The following NHS variants were observed in gnomAD, a reference collection of about 807,000 sequenced individuals.
NHS encodes actin remodeling regulator NHS.
A neutral mutation model predicts 72.5 loss-of-function variants in NHS; 5 were observed. The observed-to-expected ratio is 0.07, with a 90% confidence interval of 0.04 to 0.14. NHS has a LOEUF of 0.14. NHS is among the 10% of genes least tolerant of loss of function. The probability of loss-of-function intolerance (pLI) is 1.00; values close to 1 mark genes in which losing one functional copy is unlikely to be tolerated. For synonymous variants in NHS, 464 were observed against 547.7 expected, an observed-to-expected ratio of 0.85 and a Z score of 2.13; for missense variants, 1,072 against 1,355.7, an observed-to-expected ratio of 0.79 and a Z score of 3.29.
chrX:17,519,868 G>A lies in NHS; in HGVS notation c.565+143546G>A, dbSNP rs750664831. 3.6e-5 allele frequency among the ~76,000 whole-genome samples: 4 copies of A among 110,392 alleles called. No individual in the cohort carries two copies. The East Asian group carries it at 1.1e-3, about 31-fold the overall frequency. On this transcript the variant is annotated intron_variant, in intron 1 of 8. Transcript: ENST00000676302. The stretch of plus-strand genomic sequence containing the variant: ...CATTTCATTTAAAATAAGGATGTAG[G>A]GCTCTTCAGTCTTTTAATTCTGATT...
At chrX:17,471,759 A>G (rs895510100) in intron 1 of NHS, among the ~76,000 whole-genome samples, 1 of 112,244 alleles carries the variant, frequency 8.9e-6, no homozygotes, top group Non-Finnish European at 1.9e-5. Flanking sequence ...ATCTGTCTCT[A>G]TAATTAGGGA....
At chrX:17,465,259 G>A (rs780465078) in intron 1 of NHS, among the ~76,000 whole-genome samples, 2 of 111,610 alleles carry the variant, frequency 1.8e-5, no homozygotes, top group South Asian at 7.6e-4. Flanking sequence ...ATACTGTGGG[G>A]CAAATAAATG....
At chrX:17,376,536 C>T (rs1414634111) in intron 1 of NHS, among the ~76,000 whole-genome samples, 2 of 112,414 alleles carry the variant, frequency 1.8e-5, no homozygotes, top group African/African-American at 6.5e-5. Context: ...GTGATGCAGA[C>T]GTGGACGGTG....
intron 1 of NHS, among the ~76,000 whole-genome samples, chrX:17,653,115 A>G (rs2065938062): frequency 8.9e-6 from 1 of 111,880 alleles, no homozygotes; most frequent in African/African-American, 3.3e-5. Context: ...GACCTAAAAA[A>G]ATGCAATATG....
At position 17,728,059 on chromosome X, in the gene NHS, A is replaced by T; in HGVS notation, c.3953A>T (p.Glu1318Val). Residue 1318 changes from glutamate (E) to valine (V), a missense_variant, in exon 7 of 9, where the codon GAA becomes GTA. Physicochemically the swap from Glu to Val is moderately radical, Grantham distance 121. Coordinates refer to ENST00000676302, the MANE Select transcript of NHS (RefSeq NM_001291867.2). Reference protein sequence around the residue: ...SAGLEEVAQPESVDVITSQSD... With the variant: ...SAGLEEVAQPVSVDVITSQSD... ...GGTCTGGAGGAAGTTGCACAACCTG[A>T]ATCTGTGGATGTAATCACATCTCAG... is the stretch of plus-strand genomic sequence containing the variant. 8.3e-7 allele frequency: 1 copy of T among 1,211,830 alleles called. No individual in the cohort carries two copies. The highest frequency in any genetic ancestry group is 1.8e-5 in the South Asian group (1 of 56,993).
chrX:17,389,508 G>T (rs1478441046), intron 1 of NHS, among the ~76,000 whole-genome samples: 5 of 111,902 alleles, frequency 4.5e-5, no homozygotes, highest in Admixed American at 1.9e-4. Flanking sequence ...ATTTTAGGGA[G>T]AATCAGGTTT....
chrX:17,398,195 G>T (rs2146850325), intron 1 of NHS, among the ~76,000 whole-genome samples: 1 of 111,772 alleles, frequency 8.9e-6, no homozygotes, highest in East Asian at 2.8e-4. Flanking sequence ...GAGGAAAGCT[G>T]AACAGAAGTT....
intron 1 of NHS, among the ~76,000 whole-genome samples, chrX:17,576,246 A>G (rs2065510283): frequency 8.9e-6 from 1 of 112,058 alleles, no homozygotes; most frequent in African/African-American, 3.2e-5. Flanking sequence ...ATAATTTAAT[A>G]TTACAGAAAG....
intron 3 of NHS, among the ~76,000 whole-genome samples, chrX:17,713,594 A>G (rs970923606): frequency 8.9e-6 from 1 of 111,985 alleles, no homozygotes; most frequent in African/African-American, 3.2e-5. Flanking sequence ...TAACAGATGT[A>G]TTTTGGGCTG....
At chrX:17,534,004 G>A (rs146072279) in intron 1 of NHS, among the ~76,000 whole-genome samples, 185 of 112,778 alleles carry the variant, frequency 1.6e-3, no homozygotes, top group African/African-American at 5.6e-3. Context: ...GTCTATAAGT[G>A]TGATATTTTA....
chrX:17,548,178 A>G (rs1264618887), intron 1 of NHS, among the ~76,000 whole-genome samples: 1 of 111,729 alleles, frequency 9.0e-6, no homozygotes, highest in Non-Finnish European at 1.9e-5. Context: ...TTGTTTCCAC[A>G]AGGGGGCTGG....
Position 17,719,349 on chromosome X carries a change from C to G in NHS, c.858C>G (p.Asn286Lys). 2.6e-6 allele frequency: 3 copies of G among 1,166,571 alleles called. No individual in the cohort carries two copies. Among genetic ancestry groups the G allele is most frequent in the Non-Finnish European group, 3.4e-6 (3 of 872,285 alleles). Reference protein sequence around the residue: ...EFKDRHFLTFNSTRSPSPTEC... With the variant: ...EFKDRHFLTFKSTRSPSPTEC... ...TTTGCATTTCATGTTCATAGTTTAACAGCACCCGTTCGCCCTCCCCCACTG... is the reference window on the plus strand; with the variant it reads ...TTTGCATTTCATGTTCATAGTTTAAGAGCACCCGTTCGCCCTCCCCCACTG... The change falls in exon 4 of 9, where the codon AAC (asparagine) becomes AAG (lysine). Residue 286 changes from asparagine (N) to lysine (K), a missense_variant. Asn to Lys is a moderately conservative substitution (Grantham distance 94). Coordinates refer to ENST00000676302, the MANE Select transcript of NHS (RefSeq NM_001291867.2).
intron 1 of NHS, among the ~76,000 whole-genome samples, chrX:17,618,646 A>G (rs1255614673): frequency 8.9e-6 from 1 of 112,047 alleles, no homozygotes; most frequent in African/African-American, 3.2e-5. Context: ...TTAGATACAG[A>G]GTCATATATG....
Position 17,660,177 on chromosome X carries a change from C to T in NHS, c.566-27565C>T, listed in dbSNP as rs769856522. ...GAAGCTCAGCTCCCAACCTCCAGCT[C>T]CAACAGCCCAATGAAGCTTTTTTTT... On this transcript the variant is annotated intron_variant, in intron 1 of 8. Transcript: ENST00000676302. Among the ~76,000 whole-genome samples, 29 of 112,192 alleles carry T rather than the reference C, an allele frequency of 2.6e-4. 2 individuals are homozygous for T. Among genetic ancestry groups the T allele is most frequent in the Admixed American group, 2.5e-3 (27 of 10,592 alleles).
At chrX:17,570,897 C>T (rs955277555) in intron 1 of NHS, among the ~76,000 whole-genome samples, 2 of 111,953 alleles carry the variant, frequency 1.8e-5, no homozygotes, top group African/African-American at 3.2e-5. Flanking sequence ...TGAATTTTGT[C>T]GAAGGCCTTT....
At chrX:17,612,175 G>T (rs1158717791) in intron 1 of NHS, among the ~76,000 whole-genome samples, 2 of 107,888 alleles carry the variant, frequency 1.9e-5, no homozygotes, top group Non-Finnish European at 3.8e-5. Context: ...AATTGACTTT[G>T]CATGTTTCCT....
intron 1 of NHS, among the ~76,000 whole-genome samples, chrX:17,399,904 A>G (rs1054841925): frequency 2.7e-5 from 3 of 112,152 alleles, no homozygotes; most frequent in Non-Finnish European, 5.6e-5. Context: ...AACTAGGAGT[A>G]GAAGGGAATT....
intron 1 of NHS, among the ~76,000 whole-genome samples, chrX:17,621,871 C>T (rs1039204798): frequency 3.6e-5 from 4 of 111,773 alleles, no homozygotes; most frequent in African/African-American, 1.3e-4. Context: ...TTTCCTCATC[C>T]GTAAAATGAG....
intron 1 of NHS, among the ~76,000 whole-genome samples, chrX:17,383,570 C>T (rs1326990691): frequency 5.3e-5 from 6 of 112,227 alleles, no homozygotes; most frequent in Non-Finnish European, 1.1e-4. Context: ...CACATCTTCA[C>T]ATGGTGGCAG....
Sources: gnomAD v4.1 joint callset for allele counts (sites outside exome capture counted in the v4.1 genomes callset) on GRCh38, gnomAD v4.1.1 for gene constraint, MANE v1.5 for transcripts, NCBI Gene and HGNC (gene_info 2026-07-23, HGNC 2026-07-21) for gene names.